COMP: variants seen among roughly 807,000 people sequenced by gnomAD.
The protein encoded by COMP is cartilage oligomeric matrix protein (pseudoachondroplasia, epiphyseal dysplasia 1, multiple).
In COMP, 79 loss-of-function variants were observed where a neutral mutation model predicts 95.8. The observed-to-expected ratio is 0.82, with a 90% CI of 0.69 to 0.99. The LOEUF is 0.99. COMP is among the 50% of genes least tolerant of loss of function. COMP has a pLI of 0.00. For missense variants in COMP, 906 were observed against 1,076.1 expected (o/e 0.84, Z 2.21); for synonymous variants, 438 against 433.9 (o/e 1.01, Z -0.12).
chr19:18,787,306 G>GT (rs1406793765), intron 10 of COMP, among the ~76,000 whole-genome samples, 185 bp downstream of exon 10: 5 of 152,242 alleles, frequency 3.3e-5, no homozygotes, highest in Non-Finnish European at 7.3e-5. Flanking sequence ...ATATCCCTGC[G>GT]TTTTTCCTGG....
chr19:18,790,946 AG>A lies in COMP; in HGVS notation c.80-12del. On this transcript the variant is annotated splice_polypyrimidine_tract_variant and intron_variant, in intron 1 of 18. Transcript: ENST00000222271. Reference sequence around the variant, plus strand: ...GGCCCAGGTCTGAGCCTGCGGCGGCAGGGGACCTGGTGAGGCGTCATGGGGC... The same window carrying A: ...GGCCCAGGTCTGAGCCTGCGGCGGCAGGGACCTGGTGAGGCGTCATGGGGC... The A allele has an allele frequency of 1.9e-6, 3 of 1,553,194 alleles. No individual in the cohort carries two copies. Among genetic ancestry groups the A allele is most frequent in the Non-Finnish European group, 8.7e-7 (1 of 1,149,622 alleles).
Position 18,791,176 on chromosome 19 carries a change from G to T in COMP, c.79+15C>A. 1 of 1,572,102 alleles carries T rather than the reference G, an allele frequency of 6.4e-7. No homozygotes were observed. Among genetic ancestry groups the T allele is most frequent in the Non-Finnish European group, 8.6e-7 (1 of 1,160,076 alleles). On this transcript the variant is annotated intron_variant, in intron 1 of 18. Transcript: ENST00000222271. The stretch of plus-strand genomic sequence containing the variant: ...GTGGGGCCGTGGGCACGGCGCGGGT[G>T]CTAACGCGGCTTACCCAACGGGCTC...
In COMP at chr19:18,789,843, G is replaced by T; in HGVS notation, c.390+99C>A. The T allele has an allele frequency of 7.0e-7, 1 of 1,429,668 alleles. No homozygotes were observed. Among genetic ancestry groups the T allele is most frequent in the Non-Finnish European group, 9.6e-7 (1 of 1,045,738 alleles). 88.6% of individuals were successfully genotyped at this position (1,429,668 alleles called of 1,614,324 possible). ...CCCCGGAGGTGAGAGGCTCTTCGGG[G>T]CGAACACTCCCAGTGGAGGAAGGGG... On this transcript the variant is annotated intron_variant, in intron 4 of 18. Coordinates refer to ENST00000222271, the MANE Select transcript of COMP (RefSeq NM_000095.3). This position sits in a 1 kb window ranked among gnomAD's most constrained non-coding sequence, Gnocchi z 6.1.
Position 18,788,964 on chromosome 19 carries a change from C to G in COMP, c.529-51G>C. 1 of 1,587,850 alleles carries G rather than the reference C, an allele frequency of 6.3e-7. No individual in the cohort carries two copies. The highest frequency in any genetic ancestry group is 1.3e-5 in the African/African-American group (1 of 74,564). The stretch of plus-strand genomic sequence containing the variant: ...CCACCCCACGCAGACACCTCCGGAC[C>G]TCCCACCTCCTCCACACTTCCTCCG... On this transcript the variant is annotated intron_variant, in intron 5 of 18. Transcript: ENST00000222271. This position sits in a 1 kb window ranked among gnomAD's most constrained non-coding sequence, Gnocchi z 4.7.
chr19:18,787,376 C>T (rs1047659844), intron 10 of COMP, 115 bp downstream of exon 10: 45 of 1,488,184 alleles, frequency 3.0e-5, no homozygotes, highest in Non-Finnish European at 4.0e-5. Context: ...CCAGGGCGCC[C>T]TAGTCCAGCT....
Position 18,788,905 on chromosome 19 carries a change from C to A in COMP, c.537G>T (p.Thr179=). 1 of 1,613,586 alleles carries A rather than the reference C, an allele frequency of 6.2e-7. No individual in the cohort carries two copies. The highest frequency in any genetic ancestry group is 1.7e-4 in the Middle Eastern group (1 of 5,986). Residue 179 remains threonine, a synonymous_variant, in exon 6 of 19, where the codon ACG becomes ACT. Transcript: ENST00000222271. This position sits in a 1 kb window ranked among gnomAD's most constrained non-coding sequence, Gnocchi z 4.7. ...GCCCGGTCTCACACTCGTTGATGTCCGTGCAAACCTAGGGGAGGGGAACTC... is the reference window on the plus strand; with the variant it reads ...GCCCGGTCTCACACTCGTTGATGTCAGTGCAAACCTAGGGGAGGGGAACTC... ...AFAKANKQVC[T]DINECETGQH...
intron 3 of COMP, 53 bp from the exon 4 acceptor site, chr19:18,790,167 G>T (rs2055202361): frequency 2.9e-6 from 4 of 1,396,728 alleles, no homozygotes; most frequent in East Asian, 5.0e-5. Flanking sequence ...CTCGCCCGGG[G>T]GCAGAGCCTA....
intron 9 of COMP, 29 bp from the exon 10 acceptor site, chr19:18,787,679 A>G (rs1304717751): frequency 1.2e-6 from 2 of 1,611,902 alleles, no homozygotes; most frequent in African/African-American, 2.7e-5. Flanking sequence ...TAAGGGTGAG[A>G]TCAGGTCGAG....
Position 18,790,075 on chromosome 19 carries a change from C to G in COMP, c.257G>C (p.Arg86Pro). 6.5e-7 allele frequency: 1 copy of G among 1,546,484 alleles called. No homozygotes were observed. Among genetic ancestry groups the G allele is most frequent in the Non-Finnish European group, 8.7e-7 (1 of 1,150,380 alleles). The stretch of plus-strand genomic sequence containing the variant: ...GCCGGGCGCGCAGTGGAGCAGGGGC[C>G]GCACGCTGGGTAGGCCGGTGCGTAC... The part of the protein sequence containing the change: ...QSVRTGLPSV[R>P]PLLHCAPGFC... The change falls in exon 4 of 19, where the codon CGG (arginine) becomes CCG (proline). Residue 86 changes from arginine (R) to proline (P), a missense_variant. By Grantham distance (103) the Arg-to-Pro change is moderately radical. Transcript: ENST00000222271.
Position 18,785,020 on chromosome 19 carries a change from G to A in COMP, c.1790C>T (p.Ala597Val), listed in dbSNP as rs1224528574. Residue 597 changes from alanine (A) to valine (V), a missense_variant, in exon 16 of 19, where the codon GCG becomes GTG. Coordinates refer to ENST00000222271, the MANE Select transcript of COMP (RefSeq NM_000095.3). ...GTCCTGGTAGCCAAAGATGAAGCCC[G>A]CATAGTCGTCATCCGTGACCGTGTT... The part of the protein sequence containing the change: ...HVNTVTDDDY[A>V]GFIFGYQDSS... 3 of 1,613,928 alleles carry A rather than the reference G, an allele frequency of 1.9e-6. No homozygotes were observed. The highest frequency in any genetic ancestry group is 2.2e-5 in the East Asian group (1 of 44,880).
In COMP at chr19:18,784,780, G is replaced by A; in HGVS notation, c.1914+116C>T. 1 of 1,160,050 alleles carries A rather than the reference G, an allele frequency of 8.6e-7. No homozygotes were observed. The highest frequency in any genetic ancestry group is 1.3e-5 in the South Asian group (1 of 79,716). 71.9% of individuals were successfully genotyped at this position (1,160,050 alleles called of 1,614,324 possible). A position where few individuals can be genotyped will look rare whatever the true frequency, so the allele number is the denominator to read the frequency against. ...CCCAGAGGAGGGCTGGGACAGCTTT[G>A]AGGTCCATAGTATGAGGCTAGGGGG... On this transcript the variant is annotated intron_variant, in intron 16 of 18. Transcript: ENST00000222271. This position sits in a 1 kb window ranked among gnomAD's most constrained non-coding sequence, Gnocchi z 4.9.
chr19:18,790,912 G>A lies in COMP; in HGVS notation c.103C>T (p.Leu35Phe). 1 of 1,566,290 alleles carries A rather than the reference G, an allele frequency of 6.4e-7. No individual in the cohort carries two copies. Among genetic ancestry groups the A allele is most frequent in the Non-Finnish European group, 8.6e-7 (1 of 1,156,458 alleles). Residue 35 changes from leucine to phenylalanine, a missense_variant, in exon 2 of 19, where the codon CTT (leucine) becomes TTT (phenylalanine). Leu to Phe is a conservative substitution (Grantham distance 22). Coordinates refer to ENST00000222271, the MANE Select transcript of COMP (RefSeq NM_000095.3). Reference protein sequence around the residue: ...PLGSDLGPQMLRELQETNAAL... With the variant: ...PLGSDLGPQMFRELQETNAAL... ...GCGTTGGTTTCCTGCAGTTCCCGAA[G>A]CATCTGCGGGCCCAGGTCTGAGCCT...
chr19:18,787,365 T>C (rs1406691847), intron 10 of COMP, 126 bp downstream of exon 10: 66 of 1,386,344 alleles, frequency 4.8e-5, no homozygotes, highest in Non-Finnish European at 6.0e-5. Context: ...TGGTCTTTGG[T>C]CCAGGGCGCC....
In COMP at chr19:18,789,821, C is replaced by A; in HGVS notation, c.390+121G>T. ...AGGAGGTAGTCTGGCCGTGCGCCCC[C>A]GGAGGTGAGAGGCTCTTCGGGGCGA... On this transcript the variant is annotated intron_variant, in intron 4 of 18. Coordinates refer to ENST00000222271, the MANE Select transcript of COMP (RefSeq NM_000095.3). The surrounding 1 kb of genome is among the most constrained non-coding windows in gnomAD (Gnocchi z 6.1). 1.6e-6 allele frequency: 2 copies of A among 1,272,828 alleles called. No homozygotes were observed. The highest frequency in any genetic ancestry group is 2.2e-6 in the Non-Finnish European group (2 of 907,474). 78.8% of individuals were successfully genotyped at this position (1,272,828 alleles called of 1,614,324 possible). A position where few individuals can be genotyped will look rare whatever the true frequency, so the allele number is the denominator to read the frequency against.
At position 18,791,291 on chromosome 19, in the gene COMP, G is replaced by T; in HGVS notation, c.-22C>A. On this transcript the variant is annotated 5_prime_UTR_variant, in exon 1 of 19. Coordinates refer to ENST00000222271, the MANE Select transcript of COMP (RefSeq NM_000095.3). ...CCATGGCGGTGGCGGGGAGCTGGGTGGCTGCTCGCTTTCTACCGCCCACGA... is the reference window on the plus strand; with the variant it reads ...CCATGGCGGTGGCGGGGAGCTGGGTTGCTGCTCGCTTTCTACCGCCCACGA... 3 of 1,578,340 alleles carry T rather than the reference G, an allele frequency of 1.9e-6. No homozygotes were observed. The highest frequency in any genetic ancestry group is 2.6e-6 in the Non-Finnish European group (3 of 1,164,780).
At chr19:18,787,467 C>A (rs766613369) in intron 10 of COMP, 24 bp downstream of exon 10, 2 of 1,608,790 alleles carry the variant, frequency 1.2e-6, no homozygotes, top group South Asian at 1.1e-5. Flanking sequence ...CCTCTCCTCG[C>A]CCCCCAACCC....
rs950417955 is a variant in COMP at position 18,788,092 on chromosome 19, A to T, written c.975+120T>A. 6 of 811,354 alleles carry T rather than the reference A, an allele frequency of 7.4e-6. No homozygotes were observed. In the African/African-American group the frequency reaches 8.5e-5, roughly 11 times the overall value. The allele number at this position is 811,354 out of a possible 1,614,324, so 50.3% of individuals were successfully genotyped here. ...CTAATTTTTGTATTTTTAGTAGAGG[A>T]GGGGTTTCACCATGATGGCCAGGAT... On this transcript the variant is annotated intron_variant, in intron 9 of 18. Coordinates refer to ENST00000222271, the MANE Select transcript of COMP (RefSeq NM_000095.3). This position sits in a 1 kb window ranked among gnomAD's most constrained non-coding sequence, Gnocchi z 4.7.
Position 18,790,594 on chromosome 19 carries a change from A to G in COMP, c.185T>C (p.Leu62Pro). 6.2e-7 allele frequency: 1 copy of G among 1,613,642 alleles called. No individual in the cohort carries two copies. The highest frequency in any genetic ancestry group is 8.5e-7 in the Non-Finnish European group (1 of 1,179,834). Residue 62 changes from leucine (L) to proline (P), a missense_variant, in exon 3 of 19, where the codon CTG becomes CCG. By Grantham distance (98) the Leu-to-Pro change is moderately conservative (BLOSUM62 -3). Transcript: ENST00000222271. The part of the protein sequence containing the change: ...LRQQVREITF[L>P]KNTVMECDAC... ...GTCACACTCCATCACCGTGTTTTTC[A>G]GGAACGTGATCTCCCTGACCTGCAG...
chr19:18,789,939 C>A lies in COMP; in HGVS notation c.390+3G>T, dbSNP rs778555324. 1 of 1,592,534 alleles carries A rather than the reference C, an allele frequency of 6.3e-7. No homozygotes were observed. Among genetic ancestry groups the A allele is most frequent in the Non-Finnish European group, 8.5e-7 (1 of 1,177,708 alleles). Reference sequence around the variant, plus strand: ...GGGCGGTGGAGTGTCGGGGCTAGCGCACCTCGTTGACGTCGGTGCAGTGCG... The same window carrying A: ...GGGCGGTGGAGTGTCGGGGCTAGCGAACCTCGTTGACGTCGGTGCAGTGCG... On this transcript the variant is annotated splice_donor_region_variant and intron_variant, in intron 4 of 18. Coordinates refer to ENST00000222271, the MANE Select transcript of COMP (RefSeq NM_000095.3). This position sits in a 1 kb window ranked among gnomAD's most constrained non-coding sequence, Gnocchi z 6.1.
Sources: gnomAD v4.1 joint callset for allele counts (sites outside exome capture counted in the v4.1 genomes callset) on GRCh38, gnomAD v4.1.1 for gene constraint, Gnocchi (gnomAD v3.1) non-coding constraint, MANE v1.5 for transcripts, NCBI Gene and HGNC (gene_info 2026-07-23, HGNC 2026-07-21) for gene names.